The following NBEAL1 variants were observed in gnomAD, a reference collection of about 807,000 sequenced individuals.
NBEAL1 encodes the protein neurobeachin like 1, also known as neurobeachin-like protein 1.
NBEAL1 carries 273 observed loss-of-function variants against 351.3 expected under a neutral mutation model. The ratio of observed to expected loss-of-function variants is 0.78; its 90% CI spans 0.70 to 0.86. The LOEUF (loss-of-function observed/expected upper bound fraction) is 0.86. Ranked by LOEUF, NBEAL1 falls within the 40% of genes least tolerant of loss-of-function variation. The pLI is 0.00. For missense variants in NBEAL1, 2,961 were observed against 3,201.3 expected, an observed-to-expected ratio of 0.92 and a Z score of 1.81; for synonymous variants, 1,050 against 1,086.4, an observed-to-expected ratio of 0.97 and a Z score of 0.66.
At chr2:203,123,335 CTT>C (rs960864892) in intron 19 of NBEAL1, among the ~76,000 whole-genome samples, 1 of 146,686 alleles carries the variant, frequency 6.8e-6, no homozygotes, top group African/African-American at 2.5e-5. Flanking sequence ...CTTTTCTTTT[CTT>C]TTTTCTTTTT....
At chr2:203,206,533 AGCCT>A (rs2065570788) in intron 51 of NBEAL1, among the ~76,000 whole-genome samples, 1 of 151,962 alleles carries the variant, frequency 6.6e-6, no homozygotes, top group African/African-American at 2.4e-5. Context: ...CTCCTGCCTC[AGCCT>A]GCCGAGTGCC....
intron 38 of NBEAL1, 132 bp downstream of exon 38, chr2:203,167,492 G>T: frequency 1.1e-6 from 1 of 921,222 alleles, no homozygotes; most frequent in Non-Finnish European, 1.6e-6. Context: ...ACATACTTTG[G>T]GGGCTAATCA....
intron 6 of NBEAL1, among the ~76,000 whole-genome samples, chr2:203,066,967 G>A (rs1262483162): frequency 7.3e-6 from 1 of 137,670 alleles, no homozygotes; most frequent in Non-Finnish European, 1.6e-5. Flanking sequence ...CACTTACCAG[G>A]CGGGGCGGCC....
chr2:203,119,743 T>A (rs2106266574), intron 18 of NBEAL1, among the ~76,000 whole-genome samples: 1 of 152,214 alleles, frequency 6.6e-6, no homozygotes, highest in African/African-American at 2.4e-5. Flanking sequence ...ATTCTTTATA[T>A]CCCTCTTGGA....
chr2:203,184,202 G>A (rs188703686), intron 44 of NBEAL1, among the ~76,000 whole-genome samples: 21 of 151,918 alleles, frequency 1.4e-4, no homozygotes, highest in South Asian at 1.0e-3. Flanking sequence ...AGGCCAAGGC[G>A]GGCAGATCAC....
intron 2 of NBEAL1, among the ~76,000 whole-genome samples, chr2:203,024,857 G>C (rs1237091567): frequency 2.0e-5 from 3 of 152,090 alleles, no homozygotes; most frequent in Middle Eastern, 3.2e-3. Flanking sequence ...GCGAGACTCT[G>C]TCTGAAATAA....
chr2:203,217,286 G>T lies in NBEAL1; in HGVS notation c.8104G>T (p.Gly2702Ter). The T allele has an allele frequency of 1.3e-6, 2 of 1,597,924 alleles. No homozygotes were observed. The highest frequency in any genetic ancestry group is 1.7e-6 in the Non-Finnish European group (2 of 1,171,660). Residue 2702 changes from glycine to a stop codon, truncating the protein, a stop_gained, in exon 56 of 56, where the codon GGA becomes TGA. Transcript: ENST00000683969. LOFTEE classifies it high-confidence loss of function. ...AGGTCAGCTTTCTCGAAAATTTTGG[G>T]GATCGAGCAAGCGGCTCAGCCAGAT... ...RSGQLSRKFWGSSKRLSQISA... is the reference protein window; with the variant it reads ...RSGQLSRKFW
At position 203,136,046 on chromosome 2, in the gene NBEAL1, A is replaced by G. The variant is rs1240822338; in HGVS notation, c.4183A>G (p.Ser1395Gly). Residue 1395 changes from serine (S) to glycine (G), a missense_variant, in exon 28 of 56, where the codon AGT (serine) becomes GGT (glycine). By Grantham distance (56) the Ser-to-Gly change is moderately conservative. Coordinates refer to ENST00000683969, the MANE Select transcript of NBEAL1 (RefSeq NM_001378026.1). ...KSENQEEFWH[S>G]NPSHLSLDLS... Reference sequence around the variant, plus strand: ...AGAGAATCAAGAGGAATTCTGGCATAGTAACCCTTCACATTTGAGTTTAGA... The same window carrying G: ...AGAGAATCAAGAGGAATTCTGGCATGGTAACCCTTCACATTTGAGTTTAGA... 1.9e-6 allele frequency: 3 copies of G among 1,613,682 alleles called. No homozygotes were observed. In the African/African-American group the frequency reaches 4.0e-5, roughly 22 times the overall value.
intron 36 of NBEAL1, among the ~76,000 whole-genome samples, chr2:203,162,812 G>C (rs922333934): frequency 6.6e-6 from 1 of 152,108 alleles, no homozygotes; most frequent in Admixed American, 6.5e-5. Context: ...GCACAACATT[G>C]TATTCAAATA....
intron 51 of NBEAL1, among the ~76,000 whole-genome samples, chr2:203,205,496 T>C (rs931296606): frequency 2.0e-5 from 3 of 152,214 alleles, no homozygotes; most frequent in Non-Finnish European, 4.4e-5. Flanking sequence ...CCAATAATGT[T>C]CTTTACAGCT....
intron 36 of NBEAL1, among the ~76,000 whole-genome samples, chr2:203,158,138 A>G (rs979498096): frequency 2.6e-5 from 4 of 152,210 alleles, no homozygotes; most frequent in African/African-American, 9.6e-5. Flanking sequence ...TAAACTGTTA[A>G]GCAAAAGAAA....
intron 15 of NBEAL1, among the ~76,000 whole-genome samples, chr2:203,111,591 C>T (rs2062574368): frequency 6.6e-6 from 1 of 151,970 alleles, no homozygotes; most frequent in Non-Finnish European, 1.5e-5. Context: ...AGGCTGGTCT[C>T]GAACTCCTGA....
intron 55 of NBEAL1, among the ~76,000 whole-genome samples, chr2:203,216,009 TA>T (rs60748031): frequency 0.5 from 63,140 of 125,188 alleles, 15,936 homozygotes; most frequent in African/African-American, 0.67. Flanking sequence ...AAACCCTGTC[TA>T]AAAAAAAAAA....
intron 51 of NBEAL1, among the ~76,000 whole-genome samples, chr2:203,206,371 C>A (rs533924111): frequency 2.0e-5 from 3 of 151,944 alleles, no homozygotes; most frequent in Non-Finnish European, 4.4e-5. Flanking sequence ...AGAAAGAAAG[C>A]ATGTCTCTCC....
intron 2 of NBEAL1, among the ~76,000 whole-genome samples, chr2:203,033,975 A>G (rs992849075): frequency 6.6e-6 from 1 of 152,132 alleles, no homozygotes; most frequent in South Asian, 2.1e-4. Context: ...GACAGAATCA[A>G]TAACTCCCTT....
chr2:203,181,252 G>A (rs13025753), intron 43 of NBEAL1: 1 of 151,936 alleles, frequency 6.6e-6, no homozygotes, highest in East Asian at 1.9e-4. Context: ...TTGTGTCATA[G>A]AAGGTTTCTT....
chr2:203,202,622 T>G, intron 50 of NBEAL1, 65 bp from the exon 51 acceptor site: 1 of 890,676 alleles, frequency 1.1e-6, no homozygotes, highest in Non-Finnish European at 1.9e-6. Context: ...TTAACAAAAA[T>G]TGCTCTTAAA....
intron 5 of NBEAL1, among the ~76,000 whole-genome samples, chr2:203,057,081 T>C (rs2061415796): frequency 6.6e-6 from 1 of 152,192 alleles, no homozygotes; most frequent in African/African-American, 2.4e-5. Flanking sequence ...ATTTGTGATT[T>C]TTATGTATTA....
intron 6 of NBEAL1, among the ~76,000 whole-genome samples, chr2:203,059,851 T>A (rs954595166): frequency 2.6e-5 from 4 of 152,178 alleles, no homozygotes; most frequent in Non-Finnish European, 5.9e-5. Context: ...CTGTCTTTTT[T>A]TAAAAAAAGT....
Sources: allele counts gnomAD v4.1 joint callset (sites outside exome capture counted in the v4.1 genomes callset), GRCh38; gene constraint gnomAD v4.1.1; transcripts MANE v1.5; gene names NCBI Gene and HGNC (gene_info 2026-07-23, HGNC 2026-07-21).